The following COL6A6 variants were observed in gnomAD, a reference collection of about 807,000 sequenced individuals.
COL6A6 encodes collagen type VI alpha 6 chain, also known as collagen alpha-6(VI) chain.
In COL6A6, 183 loss-of-function variants were observed where a neutral mutation model predicts 208.6. The observed-to-expected ratio is 0.88, with a 90% CI of 0.78 to 0.99. The LOEUF is 0.99. Ranked by LOEUF, COL6A6 falls within the 50% of genes least tolerant of loss-of-function variation. COL6A6 has a pLI of 0.00. For missense variants in COL6A6, 2,816 were observed against 2,815.2 expected (o/e 1.00, Z -0.01); for synonymous variants, 973 against 1,011.8 (o/e 0.96, Z 0.73).
chr3:130,616,888 T>A (rs1324198671), intron 23 of COL6A6, among the ~76,000 whole-genome samples: 1 of 152,188 alleles, frequency 6.6e-6, no homozygotes, highest in Non-Finnish European at 1.5e-5. Context: ...ATTATAAGGA[T>A]GGTAATAGTA....
chr3:130,611,014 C>T (rs1326751190), intron 23 of COL6A6, among the ~76,000 whole-genome samples: 2 of 152,126 alleles, frequency 1.3e-5, no homozygotes, highest in Non-Finnish European at 2.9e-5. Context: ...CATCCCACCC[C>T]CAGAATACAG....
intron 1 of COL6A6, among the ~76,000 whole-genome samples, chr3:130,524,321 C>T (rs779988695): frequency 1.3e-4 from 20 of 152,224 alleles, no homozygotes; most frequent in Non-Finnish European, 1.8e-4. Flanking sequence ...ACTGCTTTGA[C>T]GCACTTACCT....
intron 24 of COL6A6, among the ~76,000 whole-genome samples, chr3:130,625,073 T>C (rs371906827): frequency 5.9e-5 from 9 of 152,334 alleles, no homozygotes; most frequent in African/African-American, 2.2e-4. Context: ...GCACATATTG[T>C]TGGGTTCCAC....
chr3:130,595,935 G>A (rs1202242656), intron 18 of COL6A6, among the ~76,000 whole-genome samples: 1 of 152,090 alleles, frequency 6.6e-6, no homozygotes, highest in Non-Finnish European at 1.5e-5. Flanking sequence ...TATGAGAACG[G>A]TATTACACAC....
intron 28 of COL6A6, among the ~76,000 whole-genome samples, chr3:130,636,184 A>G (rs1254040555): frequency 1.3e-5 from 2 of 152,228 alleles, no homozygotes; most frequent in Non-Finnish European, 2.9e-5. Context: ...ACATGCAGAA[A>G]GGTCTTCTCA....
At chr3:130,627,961 A>G (rs2064941010) in intron 26 of COL6A6, among the ~76,000 whole-genome samples, 1 of 152,234 alleles carries the variant, frequency 6.6e-6, no homozygotes, top group Admixed American at 6.5e-5. Flanking sequence ...AACATAATAT[A>G]GTTAAGGATA....
At chr3:130,645,942 G>A (rs1559783617) in intron 32 of COL6A6, among the ~76,000 whole-genome samples, 1 of 152,166 alleles carries the variant, frequency 6.6e-6, no homozygotes, top group East Asian at 1.9e-4. Flanking sequence ...TTTGTTGAAA[G>A]CCTAGTAAGT....
At chr3:130,517,076 C>G (rs555046889), upstream of COL6A6, among the ~76,000 whole-genome samples, 7 of 152,338 alleles carry the variant, frequency 4.6e-5, 1 homozygote, top group South Asian at 1.5e-3. Flanking sequence ...CTGCGCCCCC[C>G]TCCTGGGGGA....
At chr3:130,526,574 T>C (rs1175835380) in intron 1 of COL6A6, among the ~76,000 whole-genome samples, 1 of 152,214 alleles carries the variant, frequency 6.6e-6, no homozygotes. Flanking sequence ...GGTCAGGTAC[T>C]GTTAGTGCAG....
At chr3:130,593,391 C>T in intron 17 of COL6A6, 139 bp downstream of exon 17, 2 of 706,552 alleles carry the variant, frequency 2.8e-6, no homozygotes, top group East Asian at 2.7e-5. Context: ...CAACGATGAA[C>T]ATTTATTTCT....
chr3:130,590,438 T>C (rs2063676979), intron 12 of COL6A6, among the ~76,000 whole-genome samples: 1 of 144,688 alleles, frequency 6.9e-6, no homozygotes, highest in Admixed American at 7.0e-5. Context: ...ATTAGGTATA[T>C]CTCCTAATGC....
At chr3:130,569,190 T>C (rs2063102370) in intron 6 of COL6A6, among the ~76,000 whole-genome samples, 1 of 152,190 alleles carries the variant, frequency 6.6e-6, no homozygotes, top group Non-Finnish European at 1.5e-5. Flanking sequence ...CTATATATGG[T>C]GCTTATTTTT....
At chr3:130,564,400 A>G (rs1446460336) in intron 3 of COL6A6, among the ~76,000 whole-genome samples, 1 of 152,256 alleles carries the variant, frequency 6.6e-6, no homozygotes. Context: ...GTAAAAAACA[A>G]TGTGTTCAAA....
rs1281267905 is a variant in COL6A6, at chr3:130,649,268, G to T, written c.5439G>T (p.Val1813=). Residue 1813 remains valine, a synonymous_variant, in exon 33 of 37, where the codon GTG becomes GTT. Coordinates refer to ENST00000358511, the MANE Select transcript of COL6A6 (RefSeq NM_001102608.3). ...ATAACTCCCACGCCAGGCACCTTGT[G>T]CGCTTCTCAGACGCCTACAAGAAGA... ...LSYNSHARHL[V]RFSDAYKKSQ... is the part of the protein sequence containing the mutation. The T allele has an allele frequency of 1.2e-6, 2 of 1,601,106 alleles. No individual in the cohort carries two copies. The highest frequency in any genetic ancestry group is 8.5e-7 in the Non-Finnish European group (1 of 1,173,922).
At position 130,567,024 on chromosome 3, in the gene COL6A6, C is replaced by T; in HGVS notation, c.1605C>T (p.Asn535=). 6.2e-7 allele frequency: 1 copy of T among 1,614,052 alleles called. No individual in the cohort carries two copies. Among genetic ancestry groups the T allele is most frequent in the Middle Eastern group, 1.7e-4 (1 of 6,060 alleles). ...LLQKAKKQRG[N]KVPCHLVVLT... ...AAAAAGCAAAGAAGCAGCGAGGAAA[C>T]AAAGTTCCATGCCACCTTGTTGTCC... Residue 535 remains asparagine (N), a synonymous_variant, in exon 5 of 37, where the codon AAC becomes AAT. Coordinates refer to ENST00000358511, the MANE Select transcript of COL6A6 (RefSeq NM_001102608.3).
intron 1 of COL6A6, among the ~76,000 whole-genome samples, chr3:130,545,355 A>G (rs1395049837): frequency 2.0e-5 from 3 of 151,922 alleles, no homozygotes; most frequent in Admixed American, 6.6e-5. Context: ...AACTTTAAAT[A>G]TTTTATTCAA....
chr3:130,626,484 G>C lies in COL6A6; in HGVS notation c.4879-1G>C. On this transcript the variant is annotated splice_acceptor_variant, in intron 24 of 36. Coordinates refer to ENST00000358511, the MANE Select transcript of COL6A6 (RefSeq NM_001102608.3). LOFTEE classifies it high-confidence loss of function. Reference sequence around the variant, plus strand: ...CTAAAAACAATCTTTCTGTTTAACAGGGAGAACCTGGAGATCTGGGAGAAA... The same window carrying C: ...CTAAAAACAATCTTTCTGTTTAACACGGAGAACCTGGAGATCTGGGAGAAA... 2 of 1,610,812 alleles carry C rather than the reference G, an allele frequency of 1.2e-6. No individual in the cohort carries two copies. The highest frequency in any genetic ancestry group is 2.2e-5 in the East Asian group (1 of 44,876).
At chr3:130,649,005 C>T in intron 32 of COL6A6, 64 bp from the exon 33 acceptor site, 15 of 1,301,518 alleles carry the variant, frequency 1.2e-5, no homozygotes, top group South Asian at 1.9e-5. Context: ...ATTACTTTGC[C>T]TTCTATGTAT....
chr3:130,665,106 G>A lies in COL6A6; in HGVS notation c.6596+10G>A, dbSNP rs1559803212. 1 of 1,583,026 alleles carries A rather than the reference G, an allele frequency of 6.3e-7. No homozygotes were observed. Among genetic ancestry groups the A allele is most frequent in the Admixed American group, 1.7e-5 (1 of 57,618 alleles). ...CACGACCATTCCGAAGGTACTGTCT[G>A]TTTGGTGTTACTTGATAAATGAGAA... On this transcript the variant is annotated intron_variant, in intron 36 of 36. Coordinates refer to ENST00000358511, the MANE Select transcript of COL6A6 (RefSeq NM_001102608.3).
Sources: gnomAD v4.1 joint callset for allele counts (sites outside exome capture counted in the v4.1 genomes callset) on GRCh38, gnomAD v4.1.1 for gene constraint, MANE v1.5 for transcripts, NCBI Gene and HGNC (gene_info 2026-07-23, HGNC 2026-07-21) for gene names.